Variants in CDH2 observed in about 807,000 individuals in gnomAD.
CDH2 encodes the protein cadherin-2.
A neutral mutation model predicts 92.0 loss-of-function variants in CDH2; 17 were observed. The ratio of observed to expected loss-of-function variants is 0.18; its 90% CI spans 0.13 to 0.28. The LOEUF (loss-of-function observed/expected upper bound fraction) is 0.28. Ranked by LOEUF, CDH2 falls within the 10% of genes least tolerant of loss-of-function variation. CDH2 has a pLI of 1.00. For synonymous variants in CDH2, 419 were observed against 415.9 expected, an observed-to-expected ratio of 1.01 and a Z score of -0.09; for missense variants, 862 against 1,133.1, an observed-to-expected ratio of 0.76 and a Z score of 3.44.
intron 2 of CDH2, among the ~76,000 whole-genome samples, chr18:28,129,965 T>C (rs1232488543): frequency 6.6e-6 from 1 of 152,178 alleles, no homozygotes; most frequent in African/African-American, 2.4e-5. Context: ...TGCAATAATG[T>C]GACATTAAGC....
chr18:28,096,215 A>T (rs1423517187), intron 2 of CDH2, among the ~76,000 whole-genome samples: 3 of 152,200 alleles, frequency 2.0e-5, no homozygotes, highest in Non-Finnish European at 4.4e-5. Context: ...GAAAGAATGG[A>T]ATGACCTTTA....
intron 2 of CDH2, among the ~76,000 whole-genome samples, chr18:28,094,469 CAG>C (rs1449076823): frequency 6.6e-6 from 1 of 151,692 alleles, no homozygotes; most frequent in Non-Finnish European, 1.5e-5. Flanking sequence ...GCCTGGGAGA[CAG>C]AGTTAGACTC....
At chr18:28,053,056 C>G (rs1029286629) in intron 2 of CDH2, among the ~76,000 whole-genome samples, 15 of 152,116 alleles carry the variant, frequency 9.9e-5, no homozygotes, top group African/African-American at 3.4e-4. Context: ...TGTGAGGACA[C>G]AGCTAGAAGG....
chr18:27,980,414 G>T (rs2143939669), intron 14 of CDH2, among the ~76,000 whole-genome samples: 1 of 152,332 alleles, frequency 6.6e-6, no homozygotes. Flanking sequence ...AGTGAAGGTA[G>T]AGGCCTTGGA....
At chr18:28,102,664 T>C (rs993977122) in intron 2 of CDH2, among the ~76,000 whole-genome samples, 1 of 152,136 alleles carries the variant, frequency 6.6e-6, no homozygotes, top group African/African-American at 2.4e-5. Flanking sequence ...GTAAATTAAA[T>C]ATACAAAATC....
At chr18:28,135,111 T>C (rs907019939) in intron 2 of CDH2, among the ~76,000 whole-genome samples, 18 of 152,114 alleles carry the variant, frequency 1.2e-4, no homozygotes, top group Admixed American at 2.0e-4. Context: ...TATGTGAAAA[T>C]AGAAATGCCC....
At chr18:28,019,374 GAGAAAAGAAAAA>G (rs908958431) in intron 2 of CDH2, among the ~76,000 whole-genome samples, 2 of 151,574 alleles carry the variant, frequency 1.3e-5, no homozygotes, top group South Asian at 2.1e-4. Flanking sequence ...AGGAAAGAAA[GAGAAAAGAAAAA>G]AGAAAAGAAA....
intron 2 of CDH2, among the ~76,000 whole-genome samples, chr18:28,071,786 G>A (rs190251062): frequency 1.3e-5 from 2 of 151,992 alleles, no homozygotes; most frequent in East Asian, 1.9e-4. Context: ...CTCTCCCTTC[G>A]AGCTTCCTTC....
intron 2 of CDH2, among the ~76,000 whole-genome samples, chr18:28,079,552 T>G (rs1307694680): frequency 6.6e-6 from 1 of 152,240 alleles, no homozygotes; most frequent in Non-Finnish European, 1.5e-5. Context: ...TGAAATTTTT[T>G]TCCTTTGCAG....
intron 2 of CDH2, among the ~76,000 whole-genome samples, chr18:28,134,891 T>C (rs773568932): frequency 6.6e-6 from 1 of 151,988 alleles, no homozygotes; most frequent in African/African-American, 2.4e-5. Flanking sequence ...GATAAGCAAG[T>C]GAGTACTGGC....
At chr18:28,136,835 C>T (rs914894466) in intron 2 of CDH2, among the ~76,000 whole-genome samples, 42 of 152,092 alleles carry the variant, frequency 2.8e-4, no homozygotes, top group South Asian at 4.1e-4. Flanking sequence ...CAGAATCACT[C>T]GGAATTCACT....
intron 2 of CDH2, among the ~76,000 whole-genome samples, chr18:28,121,728 C>G (rs986962322): frequency 1.3e-5 from 2 of 152,186 alleles, no homozygotes; most frequent in Middle Eastern, 3.4e-3. Flanking sequence ...TAAACTAAAA[C>G]CACACTCACA....
chr18:28,137,658 G>C (rs1231237), intron 2 of CDH2, among the ~76,000 whole-genome samples: 152,197 of 152,270 alleles, frequency 1, 76,062 homozygotes, highest in Middle Eastern at 1. Flanking sequence ...GTTCTATGTT[G>C]TATAAGTTTA....
rs573181157 is a variant in CDH2 at position 28,168,816 on chromosome 18, GA to G, written c.60+8146del. Among the ~76,000 whole-genome samples, 263 of 150,778 alleles carry G rather than the reference GA, an allele frequency of 1.7e-3. 1 individual carries two copies. Among genetic ancestry groups the G allele is most frequent in the African/African-American group, 6.0e-3 (248 of 41,116 alleles). On this transcript the variant is annotated intron_variant, in intron 1 of 15. Coordinates refer to ENST00000269141, the MANE Select transcript of CDH2 (RefSeq NM_001792.5). The stretch of plus-strand genomic sequence containing the variant: ...GTAATTCAAAAGTTAATTATTTAAA[GA>G]AAAAAAAATCAACTAAGTAGAGAGA...
intron 2 of CDH2, among the ~76,000 whole-genome samples, chr18:28,028,228 T>C (rs930500052): frequency 6.6e-6 from 1 of 152,044 alleles, no homozygotes; most frequent in African/African-American, 2.4e-5. Flanking sequence ...CCTCAAAATG[T>C]GCTACAGAAA....
downstream of CDH2, among the ~76,000 whole-genome samples, chr18:27,950,356 A>AATTTT: frequency 6.6e-6 from 1 of 152,158 alleles, no homozygotes; most frequent in South Asian, 2.1e-4. Flanking sequence ...ATTCAGAATG[A>AATTTT]ATCATAGTAA....
chr18:28,151,718 C>T (rs549795739), intron 1 of CDH2, among the ~76,000 whole-genome samples: 85 of 152,258 alleles, frequency 5.6e-4, no homozygotes, highest in South Asian at 2.3e-3. Flanking sequence ...GGCATCCTAC[C>T]CTCAACAAGT....
At chr18:28,116,989 T>A (rs990873858) in intron 2 of CDH2, among the ~76,000 whole-genome samples, 18 of 152,172 alleles carry the variant, frequency 1.2e-4, no homozygotes, top group Non-Finnish European at 2.4e-4. Context: ...CCTACAGATG[T>A]GCCCACGATC....
intron 2 of CDH2, among the ~76,000 whole-genome samples, chr18:28,055,563 T>A (rs1369361694): frequency 6.6e-6 from 1 of 152,212 alleles, no homozygotes; most frequent in African/African-American, 2.4e-5. Flanking sequence ...TACGTTTCTG[T>A]CTGTATGGCT....
Sources: gnomAD v4.1 joint callset for allele counts (sites outside exome capture counted in the v4.1 genomes callset) on GRCh38, gnomAD v4.1.1 for gene constraint, MANE v1.5 for transcripts, NCBI Gene and HGNC (gene_info 2026-07-23, HGNC 2026-07-21) for gene names.